Variants in ZNF544 observed in about 807,000 individuals in gnomAD.
ZNF544 encodes zinc finger protein 544.
ZNF544 carries 10 observed loss-of-function variants against 13.5 expected under a neutral mutation model. The observed-to-expected ratio is 0.74, with a 90% CI of 0.46 to 1.25. ZNF544 has a LOEUF of 1.25. Ranked by LOEUF, ZNF544 falls within the 50% of genes most tolerant of loss-of-function variation. ZNF544 has a pLI of 0.00. For synonymous variants in ZNF544, 323 were observed against 300.5 expected, an observed-to-expected ratio of 1.07 and a Z score of -0.77; for missense variants, 896 against 845.6, an observed-to-expected ratio of 1.06 and a Z score of -0.74.
At chr19:58,228,995 G>C (rs932296773) in intron 1 of ZNF544, 49 bp downstream of exon 1, 4 of 152,434 alleles carry the variant, frequency 2.6e-5, no homozygotes, top group Admixed American at 6.5e-5. Flanking sequence ...CTGTTAGCCG[G>C]GTGCGGCCGG....
intron 6 of ZNF544, among the ~76,000 whole-genome samples, chr19:58,255,101 G>T (rs1440530840): frequency 6.6e-6 from 1 of 151,786 alleles, no homozygotes; most frequent in Non-Finnish European, 1.5e-5. Context: ...TGTTAGCCAG[G>T]ATGGTCTCGA....
Position 58,269,435 on chromosome 19 carries a change from C to CA in ZNF544, c.245-6879dup, listed in dbSNP as rs1159881116. On this transcript the variant is annotated intron_variant, in intron 5 of 6. Transcript: ENST00000595981. ...TGGGCGACAAAGCGAGACTCTGTCT[C>CA]AAAAAAAAACAAACAAAAAAAATGT... 2.1e-3 allele frequency among the ~76,000 whole-genome samples: 181 copies of CA among 84,650 alleles called. 2 individuals are homozygous for CA. The East Asian group carries it at 0.027, about 13-fold the overall frequency. The allele number at this position is 84,650 out of a possible 152,430, so 55.5% of individuals were successfully genotyped here. A position where few individuals can be genotyped will look rare whatever the true frequency, so the allele number is the denominator to read the frequency against.
At chr19:58,237,176 G>A (rs1015659848) in intron 3 of ZNF544, among the ~76,000 whole-genome samples, 5 of 150,282 alleles carry the variant, frequency 3.3e-5, no homozygotes, top group Non-Finnish European at 5.9e-5. Context: ...CAATCTTCCC[G>A]CCTCAGCCTC....
At chr19:58,270,975 G>GCTGAGGTGGGTGGATCAC (rs1311980540) in intron 5 of ZNF544, among the ~76,000 whole-genome samples, 6 of 152,090 alleles carry the variant, frequency 3.9e-5, no homozygotes, top group African/African-American at 1.4e-4. Context: ...ACTTTGGGAG[G>GCTGAGGTGGGTGGATCAC]CTGAGGTGGG....
intron 5 of ZNF544, among the ~76,000 whole-genome samples, chr19:58,275,008 C>A (rs535425580): frequency 3.6e-4 from 55 of 152,142 alleles, no homozygotes; most frequent in East Asian, 7.7e-4. Context: ...GGTGACAGGT[C>A]CATGACTCTT....
Position 58,262,572 on chromosome 19 carries a change from G to C in ZNF544, c.1966G>C (p.Gly656Arg), listed in dbSNP as rs146384508. Residue 656 changes from glycine (G) to arginine (R), a missense_variant, in exon 7 of 7, where the codon GGT becomes CGT. By Grantham distance (125) the Gly-to-Arg change is moderately radical. Coordinates refer to ENST00000687789, the MANE Select transcript of ZNF544 (RefSeq NM_014480.4). ...YLVMHQRTHT[G>R]EKPFECSQCG... is the part of the protein sequence containing the mutation. ...TGTGATGCATCAGAGAACTCACACTGGTGAGAAACCTTTTGAGTGTAGTCA... is the reference window on the plus strand; with the variant it reads ...TGTGATGCATCAGAGAACTCACACTCGTGAGAAACCTTTTGAGTGTAGTCA... The C allele has an allele frequency of 9.1e-5, 147 of 1,614,152 alleles. No individual in the cohort carries two copies. The African/African-American group carries it at 1.9e-3, about 20-fold the overall frequency.
intron 5 of ZNF544, among the ~76,000 whole-genome samples, chr19:58,275,603 G>C (rs933655986): frequency 1.3e-5 from 2 of 151,728 alleles, no homozygotes; most frequent in African/African-American, 4.8e-5. Flanking sequence ...GAAATCAGGA[G>C]CTCAAGACCA....
At chr19:58,267,054 G>A (rs147443981), downstream of ZNF544, 5 of 152,168 alleles carry the variant, frequency 3.3e-5, no homozygotes, top group Non-Finnish European at 7.3e-5. Flanking sequence ...CAGATATTCA[G>A]AGGAACCAAA....
At position 58,262,190 on chromosome 19, in the gene ZNF544, C is replaced by T. The variant is rs959500172; in HGVS notation, c.1584C>T (p.Ser528=). ...ATGAGTGCAACCTGTGTGGGAAATC[C>T]TTCTCCCAGAGTTCCAAACTTATTA... ...KPYECNLCGK[S]FSQSSKLITH... The change falls in exon 7 of 7, where the codon TCC becomes TCT. Residue 528 remains serine, a synonymous_variant. Coordinates refer to ENST00000687789, the MANE Select transcript of ZNF544 (RefSeq NM_014480.4). 1.5e-5 allele frequency: 24 copies of T among 1,613,772 alleles called. No individual in the cohort carries two copies. The highest frequency in any genetic ancestry group is 3.3e-4 in the Middle Eastern group (2 of 6,082).
In ZNF544 at chr19:58,262,704, C is replaced by T. The variant is rs1429477162; in HGVS notation, c.2098C>T (p.Gln700Ter). The T allele has an allele frequency of 1.2e-5, 20 of 1,611,250 alleles. No individual in the cohort carries two copies. Among genetic ancestry groups the T allele is most frequent in the Non-Finnish European group, 1.6e-5 (19 of 1,177,950 alleles). ...TGACTGTGGGAAATCCTTCCGGCAG[C>T]AATCTCAACTTGTAGTGCATCGGCG... ...CSDCGKSFRQ[Q>*]SQLVVHRRTH... Residue 700 changes from glutamine to a stop codon, truncating the protein, a stop_gained, in exon 7 of 7, where the codon CAA (glutamine) becomes TAA (stop). Transcript: ENST00000687789. LOFTEE classifies it low-confidence loss of function (END_TRUNC).
At chr19:58,257,384 C>T (rs552240312) in intron 6 of ZNF544, 1 of 152,230 alleles carries the variant, frequency 6.6e-6, no homozygotes, top group African/African-American at 2.4e-5. Flanking sequence ...GTTTAAATAC[C>T]CTCTAGATGT....
chr19:58,272,351 C>T (rs747464560), intron 5 of ZNF544, among the ~76,000 whole-genome samples: 11 of 151,810 alleles, frequency 7.2e-5, no homozygotes, highest in Non-Finnish European at 1.3e-4. Context: ...CAACTGAGGC[C>T]GTGAGTTTGA....
At chr19:58,255,012 T>C (rs930003126) in intron 6 of ZNF544, among the ~76,000 whole-genome samples, 25 of 151,650 alleles carry the variant, frequency 1.6e-4, no homozygotes, top group Middle Eastern at 3.4e-3. Context: ...CTCAGCCTCC[T>C]GAGTAGCTGG....
At chr19:58,269,750 G>C (rs1216869738) in intron 5 of ZNF544, among the ~76,000 whole-genome samples, 2 of 152,062 alleles carry the variant, frequency 1.3e-5, no homozygotes, top group African/African-American at 4.8e-5. Flanking sequence ...GTGAAACCCT[G>C]TCTCTACTAA....
At chr19:58,239,898 C>CAA (rs58006684) in intron 3 of ZNF544, among the ~76,000 whole-genome samples, 3,639 of 127,226 alleles carry the variant, frequency 0.029, 140 homozygotes, top group East Asian at 0.21. Context: ...GACTCCATCT[C>CAA]AAAAAAAAAA....
At chr19:58,251,143 T>G (rs963596679) in intron 6 of ZNF544, among the ~76,000 whole-genome samples, 8 of 152,238 alleles carry the variant, frequency 5.3e-5, no homozygotes, top group African/African-American at 1.9e-4. Context: ...TAAAACACTT[T>G]GCTTAATTAT....
Position 58,251,486 on chromosome 19 carries a change from G to A in ZNF544, c.244+4692G>A, listed in dbSNP as rs540917043. 2.3e-5 allele frequency: 10 copies of A among 437,690 alleles called. No individual in the cohort carries two copies. In the Admixed American group the frequency reaches 2.5e-4, roughly 11 times the overall value. 27.1% of individuals were successfully genotyped at this position (437,690 alleles called of 1,614,324 possible). A position where few individuals can be genotyped will look rare whatever the true frequency, so the allele number is the denominator to read the frequency against. Reference sequence around the variant, plus strand: ...GAAAATGGTCCCTTCCACTTTGATTGTAATTATTGAGCAGGTGATCCCTCC... The same window carrying A: ...GAAAATGGTCCCTTCCACTTTGATTATAATTATTGAGCAGGTGATCCCTCC... On this transcript the variant is annotated intron_variant, in intron 6 of 6. Coordinates refer to ENST00000687789, the MANE Select transcript of ZNF544 (RefSeq NM_014480.4).
chr19:58,241,179 A>ATTTTTT (rs57421577), intron 3 of ZNF544, among the ~76,000 whole-genome samples: 1 of 72,766 alleles, frequency 1.4e-5, no homozygotes, highest in African/African-American at 5.9e-5. Flanking sequence ...ATATATATAT[A>ATTTTTT]TTTTTTTTTT....
Position 58,263,508 on chromosome 19 carries a change from G to A in ZNF544, c.*754G>A, listed in dbSNP as rs2049419829. Reference sequence around the variant, plus strand: ...TTTCCCTGCCAGACCTTGTTTACTAGAAATCAGGTGGCCAAAACATGACTC... The same window carrying A: ...TTTCCCTGCCAGACCTTGTTTACTAAAAATCAGGTGGCCAAAACATGACTC... On this transcript the variant is annotated 3_prime_UTR_variant, in exon 7 of 7. Coordinates refer to ENST00000687789, the MANE Select transcript of ZNF544 (RefSeq NM_014480.4). 1 of 985,302 alleles carries A rather than the reference G, an allele frequency of 1.0e-6. No homozygotes were observed. Among genetic ancestry groups the A allele is most frequent in the Middle Eastern group, 5.2e-4 (1 of 1,936 alleles). The allele number at this position is 985,302 out of a possible 1,614,324, so 61.0% of individuals were successfully genotyped here. A position where few individuals can be genotyped will look rare whatever the true frequency, so the allele number is the denominator to read the frequency against.
Sources: gnomAD v4.1 joint callset for allele counts (sites outside exome capture counted in the v4.1 genomes callset) on GRCh38, gnomAD v4.1.1 for gene constraint, MANE v1.5 for transcripts, NCBI Gene and HGNC (gene_info 2026-07-23, HGNC 2026-07-21) for gene names.